The following OCM2 variants were observed in gnomAD, a reference collection of about 807,000 sequenced individuals.
OCM2 encodes oncomodulin-2.
In OCM2, 6 loss-of-function variants were observed where a neutral mutation model predicts 13.6. The ratio of observed to expected loss-of-function variants is 0.44; its 90% CI spans 0.24 to 0.87. The LOEUF is 0.87. Ranked by LOEUF, OCM2 falls within the 40% of genes least tolerant of loss-of-function variation. OCM2 has a pLI of 0.22. For missense variants in OCM2, 118 were observed against 136.8 expected (o/e 0.86, Z 0.68); for synonymous variants, 40 against 50.7 (o/e 0.79, Z 0.90).
intron 1 of OCM2, among the ~76,000 whole-genome samples, chr7:97,989,497 T>C (rs1794709564): frequency 6.6e-6 from 1 of 151,936 alleles, no homozygotes; most frequent in South Asian, 2.1e-4. Flanking sequence ...CCTCCTGGGC[T>C]TGAGTGATCC....
At chr7:97,986,875 C>T (rs1479215890) in intron 3 of OCM2, among the ~76,000 whole-genome samples, 172 bp downstream of exon 3, 6 of 152,050 alleles carry the variant, frequency 3.9e-5, no homozygotes, top group African/African-American at 1.4e-4. Context: ...AGGGTTTTTA[C>T]ACACATCATT....
At chr7:97,989,859 C>T (rs1200837175) in intron 1 of OCM2, among the ~76,000 whole-genome samples, 185 bp downstream of exon 1, 2 of 151,320 alleles carry the variant, frequency 1.3e-5, no homozygotes, top group Middle Eastern at 3.4e-3. Flanking sequence ...GGGGTTTCAC[C>T]ATCTTGGCCA....
Position 97,987,044 on chromosome 7 carries a change from T to C in OCM2, c.304+3A>G. ...TTTATGCTACGTACACGTGTGGACATACCCTCTGCTCCAATTTTCCCATCT... is the reference window on the plus strand; with the variant it reads ...TTTATGCTACGTACACGTGTGGACACACCCTCTGCTCCAATTTTCCCATCT... On this transcript the variant is annotated splice_donor_region_variant and intron_variant, in intron 3 of 3. Transcript: ENST00000257627. The C allele has an allele frequency of 6.2e-7, 1 of 1,613,096 alleles. No homozygotes were observed. Among genetic ancestry groups the C allele is most frequent in the Non-Finnish European group, 8.5e-7 (1 of 1,179,422 alleles).
Position 97,990,024 on chromosome 7 carries a change from CCG to C in OCM2, c.61+18_61+19del. The C allele has an allele frequency of 6.6e-7, 1 of 1,512,578 alleles. No individual in the cohort carries two copies. Among genetic ancestry groups the C allele is most frequent in the Non-Finnish European group, 9.2e-7 (1 of 1,088,142 alleles). 93.7% of individuals were successfully genotyped at this position (1,512,578 alleles called of 1,614,324 possible). On this transcript the variant is annotated intron_variant, in intron 1 of 3. Transcript: ENST00000257627. ...GCAAAGCTGTGAGGAAATCCCACCCCCGCCCCACGTCCCCTCTACCTTGGCAT... is the reference window on the plus strand; with the variant it reads ...GCAAAGCTGTGAGGAAATCCCACCCCCCCCACGTCCCCTCTACCTTGGCAT...
exon 2 of OCM2, chr7:97,988,442 G>A (rs191467604): frequency 3.1e-4 from 494 of 1,614,096 alleles, no homozygotes; most frequent in Non-Finnish European, 3.7e-4. Context: ...CCAGATACCC[G>A]CTCTGGTCGT....
At chr7:97,987,649 T>G (rs1794685636) in intron 2 of OCM2, among the ~76,000 whole-genome samples, 1 of 151,942 alleles carries the variant, frequency 6.6e-6, no homozygotes, top group Non-Finnish European at 1.5e-5. Flanking sequence ...CCACAGTGCC[T>G]GGCCCATTTT....
At chr7:97,988,921 A>ATTTC (rs1179662943) in intron 1 of OCM2, among the ~76,000 whole-genome samples, 4 of 140,978 alleles carry the variant, frequency 2.8e-5, no homozygotes, top group South Asian at 2.3e-4. Context: ...GCCTTTGGCG[A>ATTTC]TTTCTTTCTT....
intron 2 of OCM2, among the ~76,000 whole-genome samples, chr7:97,987,927 C>T (rs1050795954): frequency 6.6e-6 from 1 of 152,126 alleles, no homozygotes; most frequent in African/African-American, 2.4e-5. Context: ...CACGGTGGCT[C>T]ACACCTGTAA....
intron 3 of OCM2, among the ~76,000 whole-genome samples, chr7:97,986,322 G>GT (rs35914899): frequency 1.0e-3 from 152 of 150,204 alleles, no homozygotes; most frequent in Middle Eastern, 6.8e-3. Flanking sequence ...TTTTGAACAG[G>GT]TTTTTTTTTT....
intron 1 of OCM2, 28 bp downstream of exon 1, chr7:97,990,016 T>TCGCCCCCC: frequency 2.8e-6 from 3 of 1,083,832 alleles, no homozygotes; most frequent in Non-Finnish European, 2.8e-6. Context: ...TGTGAGGAAA[T>TCGCCCCCC]CCCACCCCCG....
chr7:97,987,444 C>T (rs1296704404), intron 2 of OCM2, among the ~76,000 whole-genome samples: 1 of 151,968 alleles, frequency 6.6e-6, no homozygotes, highest in Non-Finnish European at 1.5e-5. Flanking sequence ...TTCCTGGGCT[C>T]AATCAATCCT....
chr7:97,989,041 C>T (rs1212686088), intron 1 of OCM2, among the ~76,000 whole-genome samples: 3 of 151,664 alleles, frequency 2.0e-5, no homozygotes, highest in African/African-American at 7.3e-5. Flanking sequence ...ACTGATTCTC[C>T]TGCCTCAGCC....
At chr7:97,985,235 A>G (rs187731902) in intron 3 of OCM2, among the ~76,000 whole-genome samples, 7 of 152,180 alleles carry the variant, frequency 4.6e-5, no homozygotes, top group African/African-American at 1.7e-4. Flanking sequence ...CCTGGCCAAA[A>G]TGGTGAAACC....
chr7:97,988,496 C>G lies in OCM2; in HGVS notation c.114G>C (p.Lys38Asn), dbSNP rs1794695232. The change falls in exon 2 of 4, where the codon AAG (lysine) becomes AAC (asparagine). Residue 38 changes from lysine to asparagine, a missense_variant. By Grantham distance (94) the Lys-to-Asn change is moderately conservative. Coordinates refer to ENST00000257627, the Ensembl canonical transcript of OCM2. ...CATCCTTCACCTGACTGGCTGACAT[C>G]TTGGAGAGGCCTGACGTCTGGAAGA... is the stretch of plus-strand genomic sequence containing the variant. 1 of 1,614,144 alleles carries G rather than the reference C, an allele frequency of 6.2e-7. No individual in the cohort carries two copies. Among genetic ancestry groups the G allele is most frequent in the African/African-American group, 1.3e-5 (1 of 75,020 alleles).
chr7:97,988,328 T>G (rs867195818), intron 2 of OCM2, 88 bp downstream of exon 2: 2 of 1,534,248 alleles, frequency 1.3e-6, no homozygotes, highest in East Asian at 4.5e-5. Flanking sequence ...GGCTGGCCAT[T>G]GAAGAAATAC....
Position 97,987,159 on chromosome 7 carries a change from A to C in OCM2, c.195-3T>G, listed in dbSNP as rs1263409060. 2.5e-6 allele frequency: 4 copies of C among 1,613,106 alleles called. No homozygotes were observed. Among genetic ancestry groups the C allele is most frequent in the Admixed American group, 3.3e-5 (2 of 59,892 alleles). On this transcript the variant is annotated splice_polypyrimidine_tract_variant and splice_region_variant and intron_variant, in intron 2 of 3. Transcript: ENST00000257627. ...TCTCAAACTTCTGGAGGAAAAACCTACAGGATAATAAAGATCCATGGGGAT... is the reference window on the plus strand; with the variant it reads ...TCTCAAACTTCTGGAGGAAAAACCTCCAGGATAATAAAGATCCATGGGGAT...
Position 97,990,168 on chromosome 7 carries a change from AG to A in OCM2, c.-65del, listed in dbSNP as rs1794718906. On this transcript the variant is annotated 5_prime_UTR_variant, in exon 1 of 4. It removes the in-frame stop codon of an upstream open reading frame in the 5' UTR. Coordinates refer to ENST00000257627, the Ensembl canonical transcript of OCM2. ...GCCACAAACAGGAACGTGCACATCCAGGGGAAACACATCTTCCCAGGCCCAC... is the reference window on the plus strand; with the variant it reads ...GCCACAAACAGGAACGTGCACATCCAGGGAAACACATCTTCCCAGGCCCAC... The A allele has an allele frequency of 1.4e-6, 2 of 1,477,756 alleles. No homozygotes were observed. 91.5% of individuals were successfully genotyped at this position (1,477,756 alleles called of 1,614,324 possible). A position where few individuals can be genotyped will look rare whatever the true frequency, so the allele number is the denominator to read the frequency against.
At chr7:97,987,215 G>A in intron 2 of OCM2, 59 bp from the exon 3 acceptor site, 1 of 1,601,302 alleles carries the variant, frequency 6.2e-7, no homozygotes, top group Non-Finnish European at 8.5e-7. Flanking sequence ...CCTGTGTTTA[G>A]ACTTTTGTTT....
chr7:97,988,545 G>A (rs1293183009), exon 2 of OCM2: 6 of 1,614,140 alleles, frequency 3.7e-6, no homozygotes, highest in East Asian at 2.2e-5. Context: ...AAAAGTGTCT[G>A]GGTCTGAAGA....
Sources: gnomAD v4.1 joint callset for allele counts (sites outside exome capture counted in the v4.1 genomes callset) on GRCh38, gnomAD v4.1.1 for gene constraint, MANE v1.5 for transcripts, NCBI Gene and HGNC (gene_info 2026-07-23, HGNC 2026-07-21) for gene names.